The following ZNF133 variants were observed in gnomAD, a reference collection of about 807,000 sequenced individuals.
ZNF133 encodes zinc finger protein 133 (clone pHZ-13).
Under a neutral mutation model 54.9 loss-of-function variants are expected in ZNF133, and 26 were observed. The observed-to-expected ratio is 0.47, with a 90% CI of 0.35 to 0.66. The LOEUF is 0.66. Ranked by LOEUF, ZNF133 falls within the 30% of genes least tolerant of loss-of-function variation. The probability of loss-of-function intolerance (pLI) is 0.01; values close to 1 mark genes in which losing one functional copy is unlikely to be tolerated. For missense variants in ZNF133, 653 were observed against 820.8 expected (o/e 0.80, Z 2.50); for synonymous variants, 298 against 320.3 (o/e 0.93, Z 0.74).
At position 18,316,294 on chromosome 20, in the gene ZNF133, C is replaced by G; in HGVS notation, c.1443C>G (p.Leu481=). 1 of 1,613,412 alleles carries G rather than the reference C, an allele frequency of 6.2e-7. No homozygotes were observed. ...CGRGFSQQSN[L]IRHQRTHSGE... ...GGGGCTTCAGCCAGCAATCCAACCT[C>G]ATCAGACACCAGAGGACGCACTCAG... The change falls in exon 7 of 7, where the codon CTC becomes CTG. Residue 481 remains leucine, a synonymous_variant. Transcript: ENST00000425686.
chr20:18,300,185 C>T (rs1160986028), intron 3 of ZNF133, among the ~76,000 whole-genome samples: 1 of 152,050 alleles, frequency 6.6e-6, no homozygotes, highest in Non-Finnish European at 1.5e-5. Flanking sequence ...TTTGTGACAT[C>T]AGTAATGAGT....
At chr20:18,296,642 A>G (rs764872171) in intron 1 of ZNF133, among the ~76,000 whole-genome samples, 5 of 152,186 alleles carry the variant, frequency 3.3e-5, no homozygotes, top group Non-Finnish European at 7.3e-5. Flanking sequence ...GTATGTACGT[A>G]TCACTTTGTT....
At position 18,315,415 on chromosome 20, in the gene ZNF133, C is replaced by T. The variant is rs2047232933; in HGVS notation, c.564C>T (p.Ala188=). The T allele has an allele frequency of 1.9e-6, 3 of 1,613,966 alleles. No individual in the cohort carries two copies. In the African/African-American group the frequency reaches 4.0e-5, roughly 22 times the overall value. The change falls in exon 7 of 7, where the codon GCC becomes GCT. Residue 188 remains alanine (A), a synonymous_variant. Coordinates refer to ENST00000425686, the MANE Select transcript of ZNF133 (RefSeq NM_001352452.2). ...GCCTCAGAGGGGTGGAGTTAGAAGC[C>T]AGCCCAGCTCAGTCAGGGAACCCTG... The part of the protein sequence containing the change: ...RNGLRGVELE[A]SPAQSGNPEE...
chr20:18,311,184 GGTGTTGT>G (rs1254232130), intron 6 of ZNF133, among the ~76,000 whole-genome samples: 1 of 152,122 alleles, frequency 6.6e-6, no homozygotes, highest in Non-Finnish European at 1.5e-5. Flanking sequence ...GCCAGGGTGA[GGTGTTGT>G]GTGCCTGTAG....
At chr20:18,310,398 C>G (rs948227074) in intron 6 of ZNF133, 12 of 1,318,234 alleles carry the variant, frequency 9.1e-6, no homozygotes, top group Non-Finnish European at 1.2e-5. Flanking sequence ...AGGCTAGTTA[C>G]AAGAAAAGTA....
intron 1 of ZNF133, among the ~76,000 whole-genome samples, chr20:18,289,283 G>T (rs2040351533): frequency 6.6e-6 from 1 of 152,178 alleles, no homozygotes. Flanking sequence ...AGGTCCCAGG[G>T]ACCGTCATTG....
chr20:18,293,980 GT>G (rs1212121888), intron 1 of ZNF133, among the ~76,000 whole-genome samples: 1 of 152,142 alleles, frequency 6.6e-6, no homozygotes, highest in Non-Finnish European at 1.5e-5. Flanking sequence ...TTGCAGATAG[GT>G]TCCACAGATA....
chr20:18,294,477 T>C (rs560920466), intron 1 of ZNF133, among the ~76,000 whole-genome samples: 2 of 152,342 alleles, frequency 1.3e-5, no homozygotes, highest in South Asian at 2.1e-4. Context: ...CTGTAGTTTA[T>C]AGTATTGTGT....
chr20:18,306,445 A>C (rs1217383344), intron 6 of ZNF133, 52 bp downstream of exon 6: 1 of 1,561,484 alleles, frequency 6.4e-7, no homozygotes, highest in Non-Finnish European at 8.8e-7. Context: ...AGCTCAGAGG[A>C]CTGGGGGAGA....
At position 18,298,271 on chromosome 20, in the gene ZNF133, CT is replaced by C; in HGVS notation, c.-353-17del. 7.2e-7 allele frequency: 1 copy of C among 1,381,308 alleles called. No individual in the cohort carries two copies. The highest frequency in any genetic ancestry group is 1.5e-5 in the African/African-American group (1 of 67,982). 85.6% of individuals were successfully genotyped at this position (1,381,308 alleles called of 1,614,324 possible). On this transcript the variant is annotated splice_polypyrimidine_tract_variant and intron_variant, in intron 2 of 6. Transcript: ENST00000425686. Reference sequence around the variant, plus strand: ...ACAATTCTACAGTATGAGATAGAGTCTGCATTTCTTTGTTCAGCTTCAAAAG... The same window carrying C: ...ACAATTCTACAGTATGAGATAGAGTCGCATTTCTTTGTTCAGCTTCAAAAG...
In ZNF133 at chr20:18,291,386, AT is replaced by A. The variant is rs1362829957; in HGVS notation, c.-432+2783del. 4.6e-5 allele frequency among the ~76,000 whole-genome samples: 7 copies of A among 152,312 alleles called. No individual in the cohort carries two copies. In the South Asian group the frequency reaches 8.3e-4, roughly 18 times the overall value. ...CACAATCAGTTCTCAGCAACATTTG[AT>A]GTAATTGTTTACATCCTCCTTCTTA... On this transcript the variant is annotated intron_variant, in intron 1 of 6. Coordinates refer to ENST00000425686, the MANE Select transcript of ZNF133 (RefSeq NM_001352452.2).
At position 18,316,802 on chromosome 20, in the gene ZNF133, T is replaced by C. The variant is rs1268739980; in HGVS notation, c.1951T>C (p.Leu651=). 5 of 1,607,308 alleles carry C rather than the reference T, an allele frequency of 3.1e-6. No individual in the cohort carries two copies. In the Admixed American group the frequency reaches 8.4e-5, roughly 27 times the overall value. ...EPCAGQPSDS[L]YSL is the part of the protein sequence containing the mutation. ...GTGTGCAGGGCAACCTTCGGATTCC[T>C]TATACTCTCTCTGAAGGCAAAGATG... Residue 651 remains leucine (L), a synonymous_variant, in exon 7 of 7, where the codon TTA becomes CTA. Transcript: ENST00000425686.
intron 6 of ZNF133, among the ~76,000 whole-genome samples, chr20:18,307,047 C>G (rs1693579016): frequency 7.7e-6 from 1 of 130,112 alleles, no homozygotes; most frequent in South Asian, 2.5e-4. Flanking sequence ...TTACACAGTT[C>G]CAATCACCCC....
chr20:18,295,893 CT>C (rs1021382165), intron 1 of ZNF133, among the ~76,000 whole-genome samples: 18 of 152,148 alleles, frequency 1.2e-4, no homozygotes, highest in Middle Eastern at 6.8e-3. Flanking sequence ...TTTTTCTTTC[CT>C]TTTTATTTGT....
At chr20:18,314,798 C>G in intron 6 of ZNF133, 1 of 354,082 alleles carries the variant, frequency 2.8e-6, no homozygotes, top group Non-Finnish European at 5.1e-6. Flanking sequence ...TGAGGGGGAA[C>G]TGTTCCATAC....
chr20:18,289,694 G>A (rs2040487758), intron 1 of ZNF133, among the ~76,000 whole-genome samples: 1 of 152,190 alleles, frequency 6.6e-6, no homozygotes, highest in Non-Finnish European at 1.5e-5. Context: ...ATAGAATGAG[G>A]TGAAACTCCT....
Position 18,297,975 on chromosome 20 carries a change from C to T in ZNF133, c.-431-10C>T. The stretch of plus-strand genomic sequence containing the variant: ...CCTGACACCCTCCCATTTCTGTTTT[C>T]CTTACCCAGATCTACCTTCTGAGAT... On this transcript the variant is annotated splice_polypyrimidine_tract_variant and intron_variant, in intron 1 of 6. Coordinates refer to ENST00000425686, the MANE Select transcript of ZNF133 (RefSeq NM_001352452.2). 1 of 1,520,526 alleles carries T rather than the reference C, an allele frequency of 6.6e-7. No homozygotes were observed. The allele number at this position is 1,520,526 out of a possible 1,614,324, so 94.2% of individuals were successfully genotyped here.
At chr20:18,315,035 G>C (rs747882897) in intron 6 of ZNF133, 34 bp from the exon 7 acceptor site, 6 of 1,510,852 alleles carry the variant, frequency 4.0e-6, no homozygotes, top group Non-Finnish European at 5.3e-6. Context: ...GCCCACTGAG[G>C]ACTCAGTTGT....
intron 1 of ZNF133, among the ~76,000 whole-genome samples, chr20:18,297,009 G>C (rs2042354540): frequency 6.6e-6 from 1 of 152,162 alleles, no homozygotes; most frequent in South Asian, 2.1e-4. Context: ...ATGTCTTAGA[G>C]TTGGTGGTTA....
Sources: gnomAD v4.1 joint callset for allele counts (sites outside exome capture counted in the v4.1 genomes callset) on GRCh38, gnomAD v4.1.1 for gene constraint, MANE v1.5 for transcripts, NCBI Gene and HGNC (gene_info 2026-07-23, HGNC 2026-07-21) for gene names.